Variants in CD8B2 observed in about 807,000 individuals in gnomAD.
The protein encoded by CD8B2 is T-cell surface glycoprotein CD8 beta-2 chain.
Under a neutral mutation model 23.7 loss-of-function variants are expected in CD8B2, and 11 were observed. The ratio of observed to expected loss-of-function variants is 0.46; its 90% CI spans 0.29 to 0.77. The LOEUF (loss-of-function observed/expected upper bound fraction) is 0.77, where lower values mean the gene tolerates loss of function less well. Ranked by LOEUF, CD8B2 falls within the 30% of genes least tolerant of loss-of-function variation. CD8B2 has a pLI of 0.09. For missense variants in CD8B2, 197 were observed against 270.5 expected, an observed-to-expected ratio of 0.73 and a Z score of 1.91; for synonymous variants, 90 against 109.3, an observed-to-expected ratio of 0.82 and a Z score of 1.10.
intron 5 of CD8B2, among the ~76,000 whole-genome samples, chr2:106,541,133 A>G (rs1680166312): frequency 6.6e-6 from 1 of 152,136 alleles, no homozygotes. Flanking sequence ...GGTTTGAGGT[A>G]GGCCACGGTG....
intron 5 of CD8B2, among the ~76,000 whole-genome samples, chr2:106,530,035 A>G (rs1422365900): frequency 1.3e-5 from 2 of 152,252 alleles, no homozygotes; most frequent in East Asian, 1.9e-4. Context: ...CCGCTGAGAA[A>G]GTGAACACAA....
At chr2:106,490,404 A>G (rs1232769631) in intron 1 of CD8B2, among the ~76,000 whole-genome samples, 3 of 152,104 alleles carry the variant, frequency 2.0e-5, no homozygotes, top group Non-Finnish European at 4.4e-5. Context: ...GTACATGCCT[A>G]TAGTCTCAGC....
At position 106,488,123 on chromosome 2, in the gene CD8B2, C is replaced by A. The variant is rs549694435; in HGVS notation, c.43+654C>A. Among the ~76,000 whole-genome samples, 18 of 152,132 alleles carry A rather than the reference C, an allele frequency of 1.2e-4. 1 individual carries two copies. Among genetic ancestry groups the A allele is most frequent in the Admixed American group, 1.1e-3 (17 of 15,276 alleles). On this transcript the variant is annotated intron_variant, in intron 1 of 5. Coordinates refer to ENST00000643224, the MANE Select transcript of CD8B2 (RefSeq NM_001349727.2). ...CTTTTGGAAGAAGCCTCCACACACC[C>A]GGAAAACTGCCCAAACTTGTCGATT...
At chr2:106,534,114 C>T (rs1280150180) in intron 5 of CD8B2, among the ~76,000 whole-genome samples, 2 of 152,192 alleles carry the variant, frequency 1.3e-5, no homozygotes, top group East Asian at 3.8e-4. Flanking sequence ...TGGAGCGAGG[C>T]CTGGGCAGTG....
At chr2:106,491,951 G>A (rs1190283748) in intron 2 of CD8B2, among the ~76,000 whole-genome samples, 4 of 152,116 alleles carry the variant, frequency 2.6e-5, no homozygotes, top group African/African-American at 9.7e-5. Context: ...TGGCCTTATA[G>A]TGGTGTTAGA....
chr2:106,522,571 A>G (rs1440955974), intron 5 of CD8B2, among the ~76,000 whole-genome samples: 1 of 152,126 alleles, frequency 6.6e-6, no homozygotes, highest in Non-Finnish European at 1.5e-5. Flanking sequence ...GTGCTGGTAA[A>G]GTCAGGTCTG....
intron 5 of CD8B2, among the ~76,000 whole-genome samples, chr2:106,517,447 A>G (rs1159761804): frequency 1.3e-5 from 2 of 152,040 alleles, no homozygotes; most frequent in Non-Finnish European, 2.9e-5. Context: ...CTTCCATGCT[A>G]AGACGTCTCC....
intron 5 of CD8B2, among the ~76,000 whole-genome samples, chr2:106,537,066 C>A (rs983108653): frequency 6.6e-6 from 1 of 152,102 alleles, no homozygotes; most frequent in African/African-American, 2.4e-5. Context: ...GGCCCTGATC[C>A]AACTCCAAAT....
intron 2 of CD8B2, among the ~76,000 whole-genome samples, chr2:106,491,817 A>G (rs1176187494): frequency 6.6e-6 from 1 of 152,146 alleles, no homozygotes; most frequent in Non-Finnish European, 1.5e-5. Context: ...CCAAAGCGCT[A>G]GGATTACAGG....
intron 5 of CD8B2, among the ~76,000 whole-genome samples, chr2:106,516,407 T>G (rs999785619): frequency 6.6e-6 from 1 of 152,206 alleles, no homozygotes; most frequent in Non-Finnish European, 1.5e-5. Context: ...GATACCTTCT[T>G]TCCCGATGTA....
intron 5 of CD8B2, chr2:106,543,143 C>T (rs1423105640): frequency 6.6e-6 from 1 of 152,186 alleles, no homozygotes. Flanking sequence ...ACCCGGGCTT[C>T]TCATGTTTCT....
intron 5 of CD8B2, among the ~76,000 whole-genome samples, chr2:106,539,114 C>A (rs2104577349): frequency 6.6e-6 from 1 of 152,340 alleles, no homozygotes; most frequent in African/African-American, 2.4e-5. Flanking sequence ...AGGGCCAGGG[C>A]AGTGCCTGCC....
chr2:106,541,607 C>T (rs763133619), intron 5 of CD8B2, among the ~76,000 whole-genome samples: 12 of 152,096 alleles, frequency 7.9e-5, no homozygotes, highest in Admixed American at 3.9e-4. Context: ...CCGTAAGATG[C>T]GACCTGTTAG....
chr2:106,538,371 T>C (rs1481212134), intron 5 of CD8B2, among the ~76,000 whole-genome samples: 1 of 152,200 alleles, frequency 6.6e-6, no homozygotes, highest in Non-Finnish European at 1.5e-5. Context: ...CTTGAAACGG[T>C]ACACAAATGG....
At chr2:106,521,397 C>T (rs891005224) in intron 5 of CD8B2, among the ~76,000 whole-genome samples, 4 of 152,184 alleles carry the variant, frequency 2.6e-5, no homozygotes, top group Non-Finnish European at 4.4e-5. Flanking sequence ...GTGAAAGCTT[C>T]GAGCTTGCGT....
At chr2:106,537,321 A>G (rs1021652670) in intron 5 of CD8B2, among the ~76,000 whole-genome samples, 1 of 152,150 alleles carries the variant, frequency 6.6e-6, no homozygotes, top group Admixed American at 6.5e-5. Flanking sequence ...TCATTTCCCT[A>G]AACTTGCACT....
rs1162203520 is a variant in CD8B2 at position 106,507,331 on chromosome 2, T to A, written c.*391T>A. 1 of 1,005,302 alleles carries A rather than the reference T, an allele frequency of 9.9e-7. No individual in the cohort carries two copies. The highest frequency in any genetic ancestry group is 1.2e-6 in the Non-Finnish European group (1 of 843,058). 62.3% of individuals were successfully genotyped at this position (1,005,302 alleles called of 1,614,324 possible). ...GCAGTAACATTGGGTCCTGGGTCTT[T>A]CATGGGGTGATGCTGGGCTGGCTCC... On this transcript the variant is annotated 3_prime_UTR_variant, in exon 6 of 6. Coordinates refer to ENST00000643224, the MANE Select transcript of CD8B2 (RefSeq NM_001349727.2).
intron 5 of CD8B2, chr2:106,535,229 C>T (rs1680068319): frequency 6.6e-6 from 1 of 152,192 alleles, no homozygotes; most frequent in South Asian, 2.1e-4. Context: ...CCAGATGTTT[C>T]TCTAGGGACA....
At chr2:106,535,338 A>G (rs953844916) in intron 5 of CD8B2, 12 of 150,902 alleles carry the variant, frequency 8.0e-5, no homozygotes, top group African/African-American at 2.2e-4. Context: ...CACATAGACC[A>G]AGGTTGTTTG....
Sources: gnomAD v4.1 joint callset for allele counts (sites outside exome capture counted in the v4.1 genomes callset) on GRCh38, gnomAD v4.1.1 for gene constraint, MANE v1.5 for transcripts, NCBI Gene and HGNC (gene_info 2026-07-23, HGNC 2026-07-21) for gene names.